Variants in PLD3 observed in about 807,000 individuals in gnomAD.
PLD3 encodes the protein 5'-3' exonuclease PLD3.
Under a neutral mutation model 58.4 loss-of-function variants are expected in PLD3, and 31 were observed. The observed-to-expected ratio is 0.53, with a 90% CI of 0.40 to 0.72. PLD3 has a LOEUF of 0.72. PLD3 is among the 30% of genes least tolerant of loss of function. The pLI, the probability that PLD3 is intolerant of heterozygous loss-of-function variation, is 0.00. For synonymous variants in PLD3, 264 were observed against 273.4 expected (o/e 0.97, Z 0.34); for missense variants, 595 against 659.8 (o/e 0.90, Z 1.08).
chr19:40,370,186 G>A lies in PLD3; in HGVS notation c.627G>A (p.Gln209=), dbSNP rs760564771. 1.2e-6 allele frequency: 2 copies of A among 1,614,078 alleles called. No homozygotes were observed. The highest frequency in any genetic ancestry group is 1.1e-5 in the South Asian group (1 of 91,068). The change falls in exon 8 of 13, where the codon CAG becomes CAA. Residue 209 remains glutamine, a synonymous_variant. Coordinates refer to ENST00000409735, the MANE Select transcript of PLD3 (RefSeq NM_012268.4). Reference sequence around the variant, plus strand: ...ATACCAAGTTCTGGGTGGTGGACCAGACCCACTTCTACCTGGGCAGTGCCA... The same window carrying A: ...ATACCAAGTTCTGGGTGGTGGACCAAACCCACTTCTACCTGGGCAGTGCCA... ...VLHTKFWVVD[Q]THFYLGSANM...
intron 1 of PLD3, among the ~76,000 whole-genome samples, chr19:40,363,275 A>G (rs10407447): frequency 0.2 from 29,807 of 152,080 alleles, 3,059 homozygotes; most frequent in African/African-American, 0.26. Context: ...AATTGAAGAC[A>G]AGCATTTCCT....
chr19:40,353,990 C>T (rs374827470), intron 1 of PLD3, among the ~76,000 whole-genome samples: 1 of 151,448 alleles, frequency 6.6e-6, no homozygotes, highest in South Asian at 2.1e-4. Flanking sequence ...AGCTCCCAGG[C>T]TCAAGCCATC....
intron 5 of PLD3, 43 bp downstream of exon 5, chr19:40,366,958 G>A (rs750987587): frequency 6.4e-7 from 1 of 1,560,668 alleles, no homozygotes; most frequent in Admixed American, 1.8e-5. Context: ...GGGCCTGCCA[G>A]ACCAGGTACA....
chr19:40,355,334 C>G (rs1240841773), intron 1 of PLD3, among the ~76,000 whole-genome samples: 1 of 149,364 alleles, frequency 6.7e-6, no homozygotes, highest in Non-Finnish European at 1.5e-5. Context: ...TTTTTTGAGA[C>G]AGAGTTTCGC....
At chr19:40,353,269 A>C (rs939735464) in intron 1 of PLD3, among the ~76,000 whole-genome samples, 13 of 152,230 alleles carry the variant, frequency 8.5e-5, no homozygotes, top group Admixed American at 6.5e-4. Flanking sequence ...GTCTTTACAA[A>C]AAATACAAAA....
At chr19:40,377,262 A>T (rs1383979669) in intron 11 of PLD3, among the ~76,000 whole-genome samples, 2 of 17,778 alleles carry the variant, frequency 1.1e-4, no homozygotes, top group Non-Finnish European at 2.3e-4. Context: ...GGACTGGGGG[A>T]GTGGGCAGGT....
At chr19:40,361,273 A>G (rs1202078335) in intron 1 of PLD3, among the ~76,000 whole-genome samples, 1 of 152,104 alleles carries the variant, frequency 6.6e-6, no homozygotes, top group East Asian at 1.9e-4. Context: ...CACCATGCCC[A>G]GCTAATTTTT....
In PLD3 at chr19:40,348,726, T is replaced by TACACCCA; in HGVS notation, c.-321_-320insACACCCA. On this transcript the variant is annotated 5_prime_UTR_variant, in exon 1 of 13. Coordinates refer to ENST00000409735, the MANE Select transcript of PLD3 (RefSeq NM_012268.4). The stretch of plus-strand genomic sequence containing the variant: ...TCAGGCGGGGATACAGCCTGGAAGG[T>TACACCCA]GCGTGTGGGGCTGGGTCTCGGAGTG... 1.9e-6 allele frequency: 1 copy of TACACCCA among 522,696 alleles called. No homozygotes were observed. The highest frequency in any genetic ancestry group is 4.5e-5 in the Admixed American group (1 of 22,354). 32.4% of individuals were successfully genotyped at this position (522,696 alleles called of 1,614,324 possible). A position where few individuals can be genotyped will look rare whatever the true frequency, so the allele number is the denominator to read the frequency against.
At chr19:40,352,341 G>T (rs892473333) in intron 1 of PLD3, among the ~76,000 whole-genome samples, 18 of 152,134 alleles carry the variant, frequency 1.2e-4, no homozygotes, top group African/African-American at 3.6e-4. Context: ...TTTTTGAGAG[G>T]CCGGCGCCAC....
At position 40,367,797 on chromosome 19, in the gene PLD3, C is replaced by T. The variant is rs534367783; in HGVS notation, c.347C>T (p.Ala116Val). 90 of 1,610,228 alleles carry T rather than the reference C, an allele frequency of 5.6e-5. No homozygotes were observed. Among genetic ancestry groups the T allele is most frequent in the South Asian group, 1.7e-4 (15 of 90,390 alleles). ...GCCTGGCTGGGCCTGCTCGCCGGTG[C>T]GCACAGCAGCCTGGACATCGCCTCC... is the stretch of plus-strand genomic sequence containing the variant. ...SQAWLGLLAG[A>V]HSSLDIASFY... Residue 116 changes from alanine (A) to valine (V), a missense_variant, in exon 6 of 13, where the codon GCG becomes GTG. By Grantham distance (64) the Ala-to-Val change is moderately conservative (BLOSUM62 0). Coordinates refer to ENST00000409735, the MANE Select transcript of PLD3 (RefSeq NM_012268.4).
In PLD3 at chr19:40,365,330, A is replaced by G. The variant is rs530186439; in HGVS notation, c.-278-388A>G. The stretch of plus-strand genomic sequence containing the variant: ...AAATAAATTTTTTTAAATCCCTACC[A>G]AAATATCAGCTGGCTTTTTTTAAAA... On this transcript the variant is annotated intron_variant, in intron 1 of 12. Coordinates refer to ENST00000409735, the MANE Select transcript of PLD3 (RefSeq NM_012268.4). Among the ~76,000 whole-genome samples the G allele has an allele frequency of 3.9e-5, 6 of 152,326 alleles. No individual in the cohort carries two copies. In the South Asian group the frequency reaches 1.2e-3, roughly 32 times the overall value.
intron 1 of PLD3, among the ~76,000 whole-genome samples, chr19:40,350,090 A>G (rs1319570610): frequency 6.9e-6 from 1 of 144,858 alleles, no homozygotes; most frequent in African/African-American, 2.6e-5. Flanking sequence ...GAGAAACCCC[A>G]TCTCTATTAA....
At chr19:40,376,011 C>A (rs555436900) in intron 10 of PLD3, among the ~76,000 whole-genome samples, 177 of 151,904 alleles carry the variant, frequency 1.2e-3, no homozygotes, top group Non-Finnish European at 1.9e-3. Context: ...TATGGTCGTG[C>A]CACTACACTC....
At chr19:40,353,567 C>G (rs1486228705) in intron 1 of PLD3, among the ~76,000 whole-genome samples, 1 of 151,638 alleles carries the variant, frequency 6.6e-6, no homozygotes, top group Non-Finnish European at 1.5e-5. Context: ...TATTATTTTT[C>G]TTTTCTTTTC....
At chr19:40,371,535 C>G in intron 8 of PLD3, 138 bp from the exon 9 acceptor site, 1 of 611,792 alleles carries the variant, frequency 1.6e-6, no homozygotes, top group South Asian at 1.9e-5. Context: ...GATAATCATT[C>G]TAGGACTTTA....
At chr19:40,367,652 T>A in intron 5 of PLD3, 44 bp from the exon 6 acceptor site, 4 of 1,548,888 alleles carry the variant, frequency 2.6e-6, no homozygotes, top group Non-Finnish European at 3.5e-6. Context: ...TCCCAGCCCT[T>A]GCTCTCCGGC....
chr19:40,363,126 C>T (rs1201029706), intron 1 of PLD3, among the ~76,000 whole-genome samples: 1 of 152,102 alleles, frequency 6.6e-6, no homozygotes, highest in Non-Finnish European at 1.5e-5. Flanking sequence ...CGCTGCCAGC[C>T]CTGTTACTTC....
At position 40,377,989 on chromosome 19, in the gene PLD3, C is replaced by A. The variant is rs749395330; in HGVS notation, c.1289C>A (p.Thr430Asn). 1.9e-6 allele frequency: 3 copies of A among 1,612,490 alleles called. No homozygotes were observed. In the Admixed American group the frequency reaches 5.0e-5, roughly 27 times the overall value. Residue 430 changes from threonine to asparagine, a missense_variant, in exon 13 of 13, where the codon ACC becomes AAC. By Grantham distance (65) the Thr-to-Asn change is moderately conservative. Transcript: ENST00000409735. ...MVTERATYIG[T>N]SNWSGNYFTE... ...TGCTCCACCCATTCCTCTCTAGGAA[C>A]CTCCAACTGGTCTGGCAACTACTTC...
At chr19:40,372,778 G>C (rs941831298) in intron 9 of PLD3, among the ~76,000 whole-genome samples, 1 of 151,894 alleles carries the variant, frequency 6.6e-6, no homozygotes, top group African/African-American at 2.4e-5. Flanking sequence ...GGGAGGCTAA[G>C]ACAGGGGGAT....
Sources: allele counts gnomAD v4.1 joint callset (sites outside exome capture counted in the v4.1 genomes callset), GRCh38; gene constraint gnomAD v4.1.1; transcripts MANE v1.5; gene names NCBI Gene and HGNC (gene_info 2026-07-23, HGNC 2026-07-21).